The following GRIN1 variants were observed in gnomAD, a reference collection of about 807,000 sequenced individuals.
GRIN1 encodes glutamate ionotropic receptor NMDA type subunit 1, also known as glutamate receptor ionotropic, NMDA 1.
Under a neutral mutation model 103.0 loss-of-function variants are expected in GRIN1, and 38 were observed. The observed-to-expected ratio is 0.37, with a 90% CI of 0.28 to 0.48. The LOEUF is 0.48. Ranked by LOEUF, GRIN1 falls within the 20% of genes least tolerant of loss-of-function variation. The pLI, the probability that GRIN1 is intolerant of heterozygous loss-of-function variation, is 0.98. For missense variants in GRIN1, 577 were observed against 1,288.9 expected, an observed-to-expected ratio of 0.45 and a Z score of 8.46; for synonymous variants, 544 against 532.7, an observed-to-expected ratio of 1.02 and a Z score of -0.29.
Position 137,145,890 on chromosome 9 carries a change from G to A in GRIN1, c.558G>A (p.Glu186=), listed in dbSNP as rs1290872159. ...AQKRLETLLE[E]RESKAEKVLQ... Reference sequence around the variant, plus strand: ...AACGCCTGGAGACGCTGCTGGAGGAGCGTGAGTCCAAGGTGAGGGTCGGCG... The same window carrying A: ...AACGCCTGGAGACGCTGCTGGAGGAACGTGAGTCCAAGGTGAGGGTCGGCG... Residue 186 remains glutamate (E), a synonymous_variant, in exon 3 of 20, where the codon GAG becomes GAA. Coordinates refer to ENST00000371561, the MANE Select transcript of GRIN1 (RefSeq NM_007327.4). The A allele has an allele frequency of 1.9e-6, 3 of 1,604,318 alleles. No individual in the cohort carries two copies. The highest frequency in any genetic ancestry group is 2.6e-6 in the Non-Finnish European group (3 of 1,175,758).
intron 4 of GRIN1, among the ~76,000 whole-genome samples, chr9:137,151,476 G>A (rs920900031): frequency 7.3e-6 from 1 of 137,664 alleles, no homozygotes; most frequent in Non-Finnish European, 1.6e-5. Flanking sequence ...CCCCACCCAG[G>A]GAAAGCCCCG....
In GRIN1 at chr9:137,167,633, G is replaced by A; in HGVS notation, c.*106G>A. On this transcript the variant is annotated 3_prime_UTR_variant, in exon 20 of 20. Transcript: ENST00000371561. ...AGCCCCGGAGCACCACGGGGTCGGG[G>A]GAGGAGCACCCCCAGCCTCCCCCAG... 1.3e-6 allele frequency: 2 copies of A among 1,512,806 alleles called. No homozygotes were observed. Among genetic ancestry groups the A allele is most frequent in the Non-Finnish European group, 1.8e-6 (2 of 1,129,672 alleles). The allele number at this position is 1,512,806 out of a possible 1,614,324, so 93.7% of individuals were successfully genotyped here. A position where few individuals can be genotyped will look rare whatever the true frequency, so the allele number is the denominator to read the frequency against.
At chr9:137,165,119 AG>A (rs1455126420) in intron 18 of GRIN1, 66 bp from the exon 19 acceptor site, 29 of 1,131,456 alleles carry the variant, frequency 2.6e-5, no homozygotes, top group Non-Finnish European at 3.6e-5. Context: ...CGGCCCATGC[AG>A]GAGCAGGCGA....
At chr9:137,145,662 A>AGGCGGGTGGGAG in intron 2 of GRIN1, 64 bp from the exon 3 acceptor site, 1 of 936,732 alleles carries the variant, frequency 1.1e-6, no homozygotes, top group South Asian at 1.8e-5. Context: ...CGGCAGTGGG[A>AGGCGGGTGGGAG]GGCGGGTGGG....
intron 4 of GRIN1, among the ~76,000 whole-genome samples, chr9:137,150,386 C>T (rs1404547032): frequency 2.7e-5 from 4 of 150,220 alleles, no homozygotes; most frequent in Non-Finnish European, 5.9e-5. Flanking sequence ...AGGGAAAGCC[C>T]CGCCCAGAAA....
At chr9:137,159,226 C>G (rs1484513776) in intron 8 of GRIN1, among the ~76,000 whole-genome samples, 1 of 152,158 alleles carries the variant, frequency 6.6e-6, no homozygotes, top group Admixed American at 6.5e-5. Flanking sequence ...GCTCCCTACT[C>G]CAGGGTGCTC....
chr9:137,144,424 G>A (rs976536196), intron 2 of GRIN1, among the ~76,000 whole-genome samples: 1 of 151,822 alleles, frequency 6.6e-6, no homozygotes, highest in Non-Finnish European at 1.5e-5. Context: ...GGAGGCCGAG[G>A]CGGGCGGATC....
At chr9:137,141,149 A>G (rs1010281469) in intron 1 of GRIN1, among the ~76,000 whole-genome samples, 1 of 152,132 alleles carries the variant, frequency 6.6e-6, no homozygotes, top group Non-Finnish European at 1.5e-5. Context: ...CTCACGGAAC[A>G]CACCCCCGGC....
intron 4 of GRIN1, among the ~76,000 whole-genome samples, chr9:137,154,235 G>A (rs1487369482): frequency 1.5e-5 from 2 of 131,250 alleles, no homozygotes; most frequent in African/African-American, 2.9e-5. Flanking sequence ...AGTGATTCTC[G>A]TGCCTCAGCC....
intron 8 of GRIN1, among the ~76,000 whole-genome samples, chr9:137,159,719 G>A (rs1833428807): frequency 6.6e-6 from 1 of 152,234 alleles, no homozygotes; most frequent in South Asian, 2.1e-4. Context: ...CTGTATAACA[G>A]GAAAATGTAA....
rs1205080762 is a variant in GRIN1, at chr9:137,147,612, G to A, written c.571-1397G>A. On this transcript the variant is annotated intron_variant, in intron 3 of 19. Coordinates refer to ENST00000371561, the MANE Select transcript of GRIN1 (RefSeq NM_007327.4). ...ACACCCACAGGCGCATGCCACCCCT[G>A]CAGGCGCACATAACGCACACACACC... Among the ~76,000 whole-genome samples the A allele has an allele frequency of 2.6e-5, 4 of 152,130 alleles. No individual in the cohort carries two copies. The East Asian group carries it at 7.7e-4, about 29-fold the overall frequency.
intron 4 of GRIN1, among the ~76,000 whole-genome samples, chr9:137,155,641 G>T (rs899225451): frequency 6.6e-6 from 1 of 152,196 alleles, no homozygotes; most frequent in Non-Finnish European, 1.5e-5. Flanking sequence ...GACAGGTCAG[G>T]CCCTGCAGAG....
Position 137,162,827 on chromosome 9 carries a change from C to T in GRIN1, c.2014-19C>T, listed in dbSNP as rs746507409. 8 of 1,611,202 alleles carry T rather than the reference C, an allele frequency of 5.0e-6. No individual in the cohort carries two copies. Among genetic ancestry groups the T allele is most frequent in the African/African-American group, 1.3e-5 (1 of 74,928 alleles). On this transcript the variant is annotated intron_variant, in intron 14 of 19. Transcript: ENST00000371561. ...GCCTGGGGAGCCGCCGCCGCGATCC[C>T]TGCCCTCCGACCCTGCAGCTGAGGA...
chr9:137,154,432 CTTTTTTTTTTTTTTTTTTTT>C (rs543160973), intron 4 of GRIN1, among the ~76,000 whole-genome samples: 1,396 of 43,066 alleles, frequency 0.032, 63 homozygotes, highest in African/African-American at 0.12. Context: ...GCTCCAACAA[CTTTTTTTTTTTTTTTTTTTT>C]TTTTTTTTTT....
chr9:137,168,009 AC>A lies in GRIN1; in HGVS notation c.*484del. On this transcript the variant is annotated 3_prime_UTR_variant, in exon 20 of 20. Transcript: ENST00000371561. Reference sequence around the variant, plus strand: ...CTGCCTGGCGGGCAGCCCCTGCTGGACCAAGGTGCGGACCGGAGCGGCTGAG... The same window carrying A: ...CTGCCTGGCGGGCAGCCCCTGCTGGACAAGGTGCGGACCGGAGCGGCTGAG... 1 of 701,234 alleles carries A rather than the reference AC, an allele frequency of 1.4e-6. No individual in the cohort carries two copies. The highest frequency in any genetic ancestry group is 2.5e-6 in the Non-Finnish European group (1 of 399,316). The allele number at this position is 701,234 out of a possible 1,614,324, so 43.4% of individuals were successfully genotyped here.
rs774088895 is a variant in GRIN1, at chr9:137,162,101, C to T, written c.1632+13C>T. On this transcript the variant is annotated intron_variant, in intron 11 of 19. Transcript: ENST00000371561. The stretch of plus-strand genomic sequence containing the variant: ...TCTGGTCAAGAAGGTGGGCAGGGGC[C>T]GGGTGGCGGGGTGGCGGCGGGGGGA... 4.0e-5 allele frequency: 10 copies of T among 248,626 alleles called. No individual in the cohort carries two copies. The highest frequency in any genetic ancestry group is 3.4e-4 in the South Asian group (10 of 29,758). 15.4% of individuals were successfully genotyped at this position (248,626 alleles called of 1,614,324 possible).
At chr9:137,156,823 G>T (rs200812429) in intron 5 of GRIN1, 33 bp downstream of exon 5, 2 of 1,604,616 alleles carry the variant, frequency 1.2e-6, no homozygotes, top group South Asian at 1.1e-5. Context: ...GTCCCCGAAC[G>T]GGGAGGACCC....
intron 4 of GRIN1, among the ~76,000 whole-genome samples, chr9:137,154,107 T>C (rs888035972): frequency 4.7e-4 from 69 of 146,192 alleles, no homozygotes; most frequent in African/African-American, 1.7e-3. Context: ...CCACCGTGCC[T>C]GCCTTTTTTT....
In GRIN1 at chr9:137,162,026, G is replaced by C. The variant is rs954781478; in HGVS notation, c.1570G>C (p.Ala524Pro). ...VAPLTINNERAQYIEFSKPFK... is the reference protein window; with the variant it reads ...VAPLTINNERPQYIEFSKPFK... ...GCCGCTAACCATAAACAACGAGCGCGCGCAGTACATCGAGTTTTCCAAGCC... is the reference window on the plus strand; with the variant it reads ...GCCGCTAACCATAAACAACGAGCGCCCGCAGTACATCGAGTTTTCCAAGCC... Residue 524 changes from alanine to proline, a missense_variant, in exon 11 of 20, where the codon GCG becomes CCG. Physicochemically the swap from Ala to Pro is conservative, Grantham distance 27 (BLOSUM62 -1). This residue lies in a region of GRIN1 where 13 missense variants were observed against 83.5 expected (regional missense o/e 0.16). Transcript: ENST00000371561. 1 of 1,555,616 alleles carries C rather than the reference G, an allele frequency of 6.4e-7. No homozygotes were observed.
Sources: gnomAD v4.1 joint callset for allele counts (sites outside exome capture counted in the v4.1 genomes callset) on GRCh38, gnomAD v4.1.1 for gene constraint, gnomAD v4.1.1 regional missense constraint, MANE v1.5 for transcripts, NCBI Gene and HGNC (gene_info 2026-07-23, HGNC 2026-07-21) for gene names.